Variants in CNGB1 observed in about 807,000 individuals in gnomAD.
The protein encoded by CNGB1 is cyclic nucleotide gated channel subunit beta 1.
In CNGB1, 126 loss-of-function variants were observed where a neutral mutation model predicts 151.7. That is an observed-to-expected ratio of 0.83 (90% CI 0.72 to 0.96). The LOEUF is 0.96. Ranked by LOEUF, CNGB1 falls within the 40% of genes least tolerant of loss-of-function variation. CNGB1 has a pLI of 0.00. For missense variants in CNGB1, 1,698 were observed against 1,627.0 expected (o/e 1.04, Z -0.75); for synonymous variants, 623 against 635.1 (o/e 0.98, Z 0.29).
rs200086229 is a variant in CNGB1, at chr16:57,967,165, G to A, written c.122C>T (p.Pro41Leu). 3.0e-5 allele frequency: 49 copies of A among 1,614,034 alleles called. No individual in the cohort carries two copies. The highest frequency in any genetic ancestry group is 5.3e-5 in the African/African-American group (4 of 74,914). The change falls in exon 2 of 33, where the codon CCG (proline) becomes CTG (leucine). Residue 41 changes from proline to leucine, a missense_variant. Physicochemically the swap from Pro to Leu is moderately conservative, Grantham distance 98. Coordinates refer to ENST00000251102, the MANE Select transcript of CNGB1 (RefSeq NM_001297.5). ...CTCTGTCTCGGCCTCCTCAGGATTCGGTTCTGGTTCCACCTCCGCCTCCAT... is the reference window on the plus strand; with the variant it reads ...CTCTGTCTCGGCCTCCTCAGGATTCAGTTCTGGTTCCACCTCCGCCTCCAT... ...PEMEAEVEPEPNPEEAETESE... is the reference protein window; with the variant it reads ...PEMEAEVEPELNPEEAETESE...
Position 57,940,243 on chromosome 16 carries a change from A to AGT in CNGB1, c.1198_1199dup (p.Ser401LeufsTer103). On this transcript the variant is annotated frameshift_variant, in exon 15 of 33. Transcript: ENST00000251102. LOFTEE classifies it high-confidence loss of function. The stretch of plus-strand genomic sequence containing the variant: ...CTGGTGCTTCTCATACCTGATCTGA[A>AGT]GTGCTCTGGGGCCGGGTCCCGTCTT... 1 of 1,568,258 alleles carries AGT rather than the reference A, an allele frequency of 6.4e-7. No homozygotes were observed. The highest frequency in any genetic ancestry group is 1.2e-5 in the South Asian group (1 of 85,296).
chr16:57,957,239 G>A (rs1159639056), intron 12 of CNGB1, 102 bp downstream of exon 12: 4 of 1,130,652 alleles, frequency 3.5e-6, no homozygotes, highest in Non-Finnish European at 5.4e-6. Context: ...GTGAGTCCAG[G>A]TCTGGCCAGG....
chr16:57,909,263 C>T (rs1262933846), intron 25 of CNGB1, among the ~76,000 whole-genome samples: 1 of 152,122 alleles, frequency 6.6e-6, no homozygotes, highest in Non-Finnish European at 1.5e-5. Context: ...GAGTAAGTCC[C>T]TGTCTCAAAA....
intron 27 of CNGB1, among the ~76,000 whole-genome samples, chr16:57,902,281 G>A (rs1330045743): frequency 6.6e-6 from 1 of 151,994 alleles, no homozygotes; most frequent in Non-Finnish European, 1.5e-5. Context: ...ATGTTGGCCA[G>A]GCTGGTCTCA....
chr16:57,915,302 GAA>G lies in CNGB1; in HGVS notation c.2249_2250del (p.Phe750SerfsTer26). 1 of 1,614,088 alleles carries G rather than the reference GAA, an allele frequency of 6.2e-7. No individual in the cohort carries two copies. The highest frequency in any genetic ancestry group is 8.5e-7 in the Non-Finnish European group (1 of 1,179,968). On this transcript the variant is annotated frameshift_variant, in exon 23 of 33. Transcript: ENST00000251102. LOFTEE classifies it high-confidence loss of function. ...GGGTTCACACCGACTTTCAAATAGA[GAA>G]AATCCAAGGGCAGGAGGCTGAGCAG... The part of the protein sequence containing the change: ...MDLLSLLPLD[F>X]LYLKVGVNPL...
At chr16:57,903,507 T>C (rs1283924702) in intron 27 of CNGB1, among the ~76,000 whole-genome samples, 1 of 151,914 alleles carries the variant, frequency 6.6e-6, no homozygotes. Context: ...AATAAATAAA[T>C]AAACAAACAC....
At chr16:57,954,588 GC>G in intron 12 of CNGB1, 3 of 791,014 alleles carry the variant, frequency 3.8e-6, no homozygotes, top group Non-Finnish European at 4.6e-6. Context: ...AACACCGCAA[GC>G]CCAGGGCTAT....
At chr16:57,892,686 A>G (rs1223619486) in intron 31 of CNGB1, among the ~76,000 whole-genome samples, 1 of 152,104 alleles carries the variant, frequency 6.6e-6, no homozygotes, top group Non-Finnish European at 1.5e-5. Context: ...CTCTGATCCC[A>G]TACCAAGCTA....
In CNGB1 at chr16:57,884,398, C is replaced by A; in HGVS notation, c.3522G>T (p.Thr1174=). 6.2e-7 allele frequency: 1 copy of A among 1,613,172 alleles called. No homozygotes were observed. The highest frequency in any genetic ancestry group is 8.5e-7 in the Non-Finnish European group (1 of 1,179,828). Residue 1174 remains threonine, a synonymous_variant, in exon 33 of 33, where the codon ACG becomes ACT. Transcript: ENST00000251102. ...EEGSAAPDQH[T]HPKEAATDPP... is the part of the protein sequence containing the mutation. ...GGTCGGTGGCGGCCTCCTTTGGGTG[C>A]GTGTGCTGGTCTGGGGCGGCGGAGC... is the stretch of plus-strand genomic sequence containing the variant.
rs542525167 is a variant in CNGB1, at chr16:57,917,230, G to T, written c.2166+38C>A. Reference sequence around the variant, plus strand: ...CCTGGAGGCTCTGGCTGAGCGGTCTGCCCCCGGTCACCCCAACACCACCTG... The same window carrying T: ...CCTGGAGGCTCTGGCTGAGCGGTCTTCCCCCGGTCACCCCAACACCACCTG... On this transcript the variant is annotated intron_variant, in intron 21 of 32. Transcript: ENST00000251102. The T allele has an allele frequency of 1.1e-5, 17 of 1,571,796 alleles. No homozygotes were observed. In the African/African-American group the frequency reaches 2.2e-4, roughly 20 times the overall value.
At chr16:57,923,119 C>G (rs752455418) in intron 18 of CNGB1, 154 bp downstream of exon 18, 65 of 551,870 alleles carry the variant, frequency 1.2e-4, no homozygotes, top group Non-Finnish European at 1.9e-4. Context: ...CCAGAAGCAG[C>G]CTGGGCAGGC....
At chr16:57,960,740 G>A in intron 8 of CNGB1, 100 bp downstream of exon 8, 1 of 1,372,088 alleles carries the variant, frequency 7.3e-7, no homozygotes, top group South Asian at 1.2e-5. Context: ...CATGAGTTCT[G>A]GGGTGGGTGG....
intron 7 of CNGB1, 143 bp downstream of exon 7, chr16:57,962,422 G>T (rs1007786836): frequency 8.3e-5 from 65 of 785,490 alleles, no homozygotes; most frequent in Admixed American, 3.0e-4. Context: ...CCCATTCTAT[G>T]GCTGGAAACA....
chr16:57,949,245 A>G (rs1961885784), intron 14 of CNGB1, 108 bp downstream of exon 14: 2 of 1,588,384 alleles, frequency 1.3e-6, no homozygotes, highest in African/African-American at 1.3e-5. Context: ...TACACAGCAC[A>G]GAACAACAGA....
At chr16:57,904,068 C>T in intron 26 of CNGB1, 87 bp from the exon 27 acceptor site, 1 of 1,276,402 alleles carries the variant, frequency 7.8e-7, no homozygotes, top group South Asian at 1.2e-5. Flanking sequence ...TGTCACTTCA[C>T]ACAGACCACG....
chr16:57,916,729 G>A (rs1167985593), intron 21 of CNGB1, among the ~76,000 whole-genome samples: 2 of 152,136 alleles, frequency 1.3e-5, no homozygotes, highest in East Asian at 1.9e-4. Flanking sequence ...TGGTAAGGCA[G>A]GGGTGGTGCA....
Position 57,888,027 on chromosome 16 carries a change from AG to A in CNGB1, c.3289del (p.Leu1097Ter). ...GGTGCCCGCCCGGGGTGGAAGGATCAGCACGCTCTTCTCCTCCTTGGGCTTA... is the reference window on the plus strand; with the variant it reads ...GGTGCCCGCCCGGGGTGGAAGGATCACACGCTCTTCTCCTCCTTGGGCTTA... ...NNKPKEEKSV[L>X]ILPPRAGTPK... On this transcript the variant is annotated frameshift_variant, in exon 32 of 33. Transcript: ENST00000251102. LOFTEE classifies it high-confidence loss of function. 6.2e-7 allele frequency: 1 copy of A among 1,614,170 alleles called. No homozygotes were observed. Among genetic ancestry groups the A allele is most frequent in the Non-Finnish European group, 8.5e-7 (1 of 1,180,022 alleles).
At chr16:57,958,311 G>A in intron 11 of CNGB1, 99 bp downstream of exon 11, 2 of 649,152 alleles carry the variant, frequency 3.1e-6, no homozygotes, top group Middle Eastern at 4.4e-4. Context: ...TGGGGGAGCT[G>A]GGCTTCTGCC....
chr16:57,885,582 CTT>C lies in CNGB1; in HGVS notation c.3463-1127_3463-1126del, dbSNP rs1567359825. Among the ~76,000 whole-genome samples the C allele has an allele frequency of 2.4e-3, 248 of 104,170 alleles. 5 individuals carry two copies. Among genetic ancestry groups the C allele is most frequent in the African/African-American group, 5.2e-3 (128 of 24,692 alleles). 68.3% of individuals were successfully genotyped at this position (104,170 alleles called of 152,430 possible). A position where few individuals can be genotyped will look rare whatever the true frequency, so the allele number is the denominator to read the frequency against. ...CCTCTCTCTCTCTCTCTCTCTCTTT[CTT>C]TCTTTCTTTCTTTCTTTCTTTCTTT... On this transcript the variant is annotated intron_variant, in intron 32 of 32. Coordinates refer to ENST00000251102, the MANE Select transcript of CNGB1 (RefSeq NM_001297.5).
Sources: allele counts gnomAD v4.1 joint callset (sites outside exome capture counted in the v4.1 genomes callset), GRCh38; gene constraint gnomAD v4.1.1; transcripts MANE v1.5; gene names NCBI Gene and HGNC (gene_info 2026-07-23, HGNC 2026-07-21).